MYT1L: variants seen among roughly 807,000 people sequenced by gnomAD.
MYT1L encodes the protein myelin transcription factor 1 like.
MYT1L carries 12 observed loss-of-function variants against 126.7 expected under a neutral mutation model. The observed-to-expected ratio is 0.09, with a 90% CI of 0.06 to 0.15. The LOEUF (loss-of-function observed/expected upper bound fraction) is 0.15, where lower values mean the gene tolerates loss of function less well. MYT1L is among the 10% of genes least tolerant of loss of function. The pLI is 1.00. For synonymous variants in MYT1L, 541 were observed against 604.2 expected, an observed-to-expected ratio of 0.90 and a Z score of 1.53; for missense variants, 979 against 1,585.2, an observed-to-expected ratio of 0.62 and a Z score of 6.49.
intron 5 of MYT1L, among the ~76,000 whole-genome samples, chr2:1,991,616 TC>T (rs1169847793): frequency 1.3e-5 from 2 of 152,210 alleles, no homozygotes; most frequent in East Asian, 3.9e-4. Context: ...GAGGACCCAC[TC>T]TCTCCCATCC....
intron 18 of MYT1L, among the ~76,000 whole-genome samples, chr2:1,870,652 G>A (rs79645452): frequency 6.6e-6 from 1 of 152,132 alleles, no homozygotes; most frequent in Admixed American, 6.5e-5. Context: ...TGCTGTTGTA[G>A]GCAGAACTCC....
rs752090647 is a variant in MYT1L at position 1,910,506 on chromosome 2, G to T, written c.1710-159C>A. 6.6e-6 allele frequency among the ~76,000 whole-genome samples: 1 copy of T among 152,196 alleles called. No homozygotes were observed. Among genetic ancestry groups the T allele is most frequent in the Non-Finnish European group, 1.5e-5 (1 of 68,036 alleles). On this transcript the variant is annotated intron_variant, in intron 12 of 24. Coordinates refer to ENST00000647738, the MANE Select transcript of MYT1L (RefSeq NM_001303052.2). This position sits in a 1 kb window ranked among gnomAD's most constrained non-coding sequence, Gnocchi z 4.8. ...CAGTCCTGATGGGTGGACTGGGAGA[G>T]GGGGAGGTAGTCATGTTTCCAGGTG...
chr2:1,798,844 C>T (rs1487549275), intron 23 of MYT1L, among the ~76,000 whole-genome samples: 3 of 152,212 alleles, frequency 2.0e-5, no homozygotes, highest in African/African-American at 4.8e-5. Flanking sequence ...CCATACTCCC[C>T]GGGCAGTGGC....
intron 3 of MYT1L, among the ~76,000 whole-genome samples, chr2:2,056,178 G>A (rs1574871201): frequency 6.6e-6 from 1 of 152,172 alleles, no homozygotes; most frequent in Non-Finnish European, 1.5e-5. Context: ...CCATTCCCAG[G>A]TGAAACAGCA....
intron 5 of MYT1L, among the ~76,000 whole-genome samples, chr2:1,984,204 GA>G (rs1229219644): frequency 1.3e-5 from 2 of 152,252 alleles, no homozygotes; most frequent in African/African-American, 4.8e-5. Context: ...CCTCAGTGAA[GA>G]GATTATAATG....
chr2:2,295,601 G>GAGAGACAGAC (rs1559583853), intron 1 of MYT1L, among the ~76,000 whole-genome samples: 2 of 6,214 alleles, frequency 3.2e-4, no homozygotes, highest in Non-Finnish European at 3.4e-4. Context: ...GACAGAGAGA[G>GAGAGACAGAC]AGACAGACAG....
intron 2 of MYT1L, among the ~76,000 whole-genome samples, chr2:2,184,637 G>A (rs1325077208): frequency 6.6e-6 from 1 of 152,090 alleles, no homozygotes; most frequent in Non-Finnish European, 1.5e-5. Flanking sequence ...ACTCATCTGA[G>A]CAAGACCTCC....
At chr2:2,041,658 T>C (rs929077985) in intron 4 of MYT1L, among the ~76,000 whole-genome samples, 8 of 152,164 alleles carry the variant, frequency 5.3e-5, no homozygotes, top group African/African-American at 1.9e-4. Context: ...GGAGGACCTT[T>C]GCCTCTGCTT....
intron 18 of MYT1L, among the ~76,000 whole-genome samples, chr2:1,880,024 C>T (rs552022797): frequency 4.1e-4 from 62 of 152,222 alleles, no homozygotes; most frequent in African/African-American, 1.5e-3. Context: ...ACAATAAAAA[C>T]CAAAAACATC....
chr2:2,181,113 T>A (rs534223095), intron 2 of MYT1L, among the ~76,000 whole-genome samples: 177 of 151,678 alleles, frequency 1.2e-3, no homozygotes, highest in African/African-American at 4.0e-3. Context: ...TGAACATGTA[T>A]CTGTACCTGT....
intron 1 of MYT1L, among the ~76,000 whole-genome samples, chr2:2,315,371 CTCTG>C (rs1210394661): frequency 6.6e-6 from 1 of 152,110 alleles, no homozygotes; most frequent in Non-Finnish European, 1.5e-5. Context: ...TCAATATATT[CTCTG>C]TCTATGAAAA....
At chr2:1,951,125 T>C (rs6723932) in intron 8 of MYT1L, among the ~76,000 whole-genome samples, 45,964 of 151,758 alleles carry the variant, frequency 0.3, 7,594 homozygotes, top group African/African-American at 0.45. Context: ...CTCTTCTTTT[T>C]CAGATGCAGA....
intron 1 of MYT1L, among the ~76,000 whole-genome samples, chr2:2,307,641 C>A (rs1250063052): frequency 6.6e-6 from 1 of 152,044 alleles, no homozygotes; most frequent in Non-Finnish European, 1.5e-5. Context: ...TCTCCAGGAC[C>A]TACACTTCAG....
intron 19 of MYT1L, among the ~76,000 whole-genome samples, chr2:1,844,192 G>A (rs1034252832): frequency 1.7e-4 from 26 of 152,160 alleles, no homozygotes; most frequent in African/African-American, 5.8e-4. Flanking sequence ...TCCATCCCTA[G>A]CACAGCAGGA....
intron 3 of MYT1L, among the ~76,000 whole-genome samples, chr2:2,057,775 G>A (rs1281922800): frequency 1.3e-5 from 2 of 152,194 alleles, no homozygotes; most frequent in Non-Finnish European, 2.9e-5. Context: ...TGTATCAATA[G>A]TTTATTCTTT....
chr2:1,910,695 C>G lies in MYT1L; in HGVS notation c.1710-348G>C, dbSNP rs1417041127. 6.6e-6 allele frequency among the ~76,000 whole-genome samples: 1 copy of G among 152,114 alleles called. No individual in the cohort carries two copies. The highest frequency in any genetic ancestry group is 1.5e-5 in the Non-Finnish European group (1 of 68,014). ...ATTTCTGGAGATGAAGAATTAACAG[C>G]TTGGGTAGGATGAGTTTTGAAGCCC... On this transcript the variant is annotated intron_variant, in intron 12 of 24. Coordinates refer to ENST00000647738, the MANE Select transcript of MYT1L (RefSeq NM_001303052.2). This position sits in a 1 kb window ranked among gnomAD's most constrained non-coding sequence, Gnocchi z 4.8.
chr2:2,011,221 T>A (rs2063787711), intron 4 of MYT1L, among the ~76,000 whole-genome samples: 1 of 151,996 alleles, frequency 6.6e-6, no homozygotes, highest in South Asian at 2.1e-4. Context: ...AAACCCTGTC[T>A]CTAGTAAAAA....
At chr2:2,293,576 C>G (rs55933406) in intron 1 of MYT1L, among the ~76,000 whole-genome samples, 48,199 of 152,084 alleles carry the variant, frequency 0.32, 7,839 homozygotes, top group South Asian at 0.49. Flanking sequence ...TGAGGGGCCT[C>G]AGGGGGTCCC....
chr2:2,139,848 C>G (rs1039516437), intron 3 of MYT1L, among the ~76,000 whole-genome samples: 4 of 152,094 alleles, frequency 2.6e-5, no homozygotes, highest in South Asian at 4.1e-4. Flanking sequence ...ATTAAAGTTA[C>G]TCACATTCTT....
Sources: gnomAD v4.1 joint callset for allele counts (sites outside exome capture counted in the v4.1 genomes callset) on GRCh38, gnomAD v4.1.1 for gene constraint, Gnocchi (gnomAD v3.1) non-coding constraint, MANE v1.5 for transcripts, NCBI Gene and HGNC (gene_info 2026-07-23, HGNC 2026-07-21) for gene names.